The following MZT2A variants were observed in gnomAD, a reference collection of about 807,000 sequenced individuals.
MZT2A encodes mitotic spindle organizing protein 2A, also known as mitotic-spindle organizing protein 2A.
MZT2A carries 8 observed loss-of-function variants against 12.4 expected under a neutral mutation model. The ratio of observed to expected loss-of-function variants is 0.64; its 90% CI spans 0.38 to 1.16. The LOEUF (loss-of-function observed/expected upper bound fraction) is 1.16. Ranked by LOEUF, MZT2A falls within the 50% of genes most tolerant of loss-of-function variation. The pLI, the probability that MZT2A is intolerant of heterozygous loss-of-function variation, is 0.01. For synonymous variants in MZT2A, 88 were observed against 107.5 expected, an observed-to-expected ratio of 0.82 and a Z score of 1.12; for missense variants, 181 against 223.6, an observed-to-expected ratio of 0.81 and a Z score of 1.22.
At position 131,492,293 on chromosome 2, in the gene MZT2A, C is replaced by A; in HGVS notation, c.84G>T (p.Arg28=). 3 of 1,556,790 alleles carry A rather than the reference C, an allele frequency of 1.9e-6. No individual in the cohort carries two copies. The highest frequency in any genetic ancestry group is 2.6e-6 in the Non-Finnish European group (3 of 1,160,542). ...CCTCGGTGCTCAGCACCTTCTTGCG[C>A]CGCAGCGCCAGCTTCTGCCGGGCCG... is the stretch of plus-strand genomic sequence containing the variant. ...LEAARQKLAL[R]RKKVLSTEEM... The change falls in exon 1 of 3, where the codon CGG becomes CGT. Residue 28 remains arginine, a synonymous_variant. Coordinates refer to ENST00000309451, the MANE Select transcript of MZT2A (RefSeq NM_001085365.2).
Position 131,490,725 on chromosome 2 carries a change from A to G in MZT2A, c.319+1151T>C, listed in dbSNP as rs561394837. On this transcript the variant is annotated intron_variant, in intron 2 of 2. Transcript: ENST00000309451. ...CAATAAACGCAACCTGCAAAAGGAGAGAACAGGCAGCAAGAGAGGCGGAGG... is the reference window on the plus strand; with the variant it reads ...CAATAAACGCAACCTGCAAAAGGAGGGAACAGGCAGCAAGAGAGGCGGAGG... 1.7e-5 allele frequency: 27 copies of G among 1,549,518 alleles called. No individual in the cohort carries two copies. The Admixed American group carries it at 4.1e-4, about 24-fold the overall frequency.
chr2:131,486,639 G>A (rs6732819), intron 2 of MZT2A: 12,776 of 151,570 alleles, frequency 0.084, 807 homozygotes, highest in African/African-American at 0.18. Context: ...GGGGAGGGGG[G>A]TTTAGAGACT....
chr2:131,476,566 G>T (rs1402927114), intron 2 of MZT2A, among the ~76,000 whole-genome samples: 2 of 152,314 alleles, frequency 1.3e-5, no homozygotes, highest in South Asian at 2.1e-4. Flanking sequence ...GGTGACGGGG[G>T]TTGGGGCTGT....
At chr2:131,482,628 T>C, downstream of MZT2A, 1 of 1,614,176 alleles carries the variant, frequency 6.2e-7, no homozygotes, top group Non-Finnish European at 8.5e-7. Flanking sequence ...GTGTGCATGC[T>C]GAGCAACACC....
chr2:131,472,341 G>A (rs1705005405), intron 2 of MZT2A, among the ~76,000 whole-genome samples: 1 of 152,156 alleles, frequency 6.6e-6, no homozygotes, highest in South Asian at 2.1e-4. Context: ...GCAATACTTA[G>A]GGGCCAGAAA....
At chr2:131,489,912 C>T in intron 2 of MZT2A, 2 of 976,666 alleles carry the variant, frequency 2.0e-6, no homozygotes, top group Non-Finnish European at 1.2e-6. Flanking sequence ...GCACCCAGAG[C>T]CCTGAGTGAG....
At chr2:131,492,481 T>TGCCGGGAGC, upstream of MZT2A, 1 of 1,024,460 alleles carries the variant, frequency 9.8e-7, no homozygotes, top group Middle Eastern at 4.1e-4. Flanking sequence ...CGGGCTGCCC[T>TGCCGGGAGC]GGCGGGAGCG....
At chr2:131,471,917 A>G (rs2950561) in intron 3 of MZT2A, among the ~76,000 whole-genome samples, 3,677 of 151,894 alleles carry the variant, frequency 0.024, 71 homozygotes, top group African/African-American at 0.059. Context: ...CAGGGGCCCT[A>G]GAACCAGGCT....
upstream of MZT2A, chr2:131,492,625 G>A: frequency 8.2e-7 from 1 of 1,216,738 alleles, no homozygotes; most frequent in Non-Finnish European, 1.0e-6. Context: ...CTGCTTGGCG[G>A]TCAGGGCGTC....
chr2:131,478,102 A>T (rs1387942346), intron 2 of MZT2A: 7 of 1,565,400 alleles, frequency 4.5e-6, no homozygotes, highest in Non-Finnish European at 6.1e-6. Context: ...AATATTTTGC[A>T]TGCCATATAG....
chr2:131,483,770 C>T (rs547224004), downstream of MZT2A, among the ~76,000 whole-genome samples: 7 of 152,232 alleles, frequency 4.6e-5, no homozygotes, highest in African/African-American at 1.7e-4. Flanking sequence ...CCAAGTGAAG[C>T]TTGTTGATGT....
rs559306315 is a variant in MZT2A at position 131,492,240 on chromosome 2, G to A, written c.137C>T (p.Ala46Val). The A allele has an allele frequency of 3.7e-5, 59 of 1,585,160 alleles. No homozygotes were observed. The East Asian group carries it at 1.2e-3, about 33-fold the overall frequency. The stretch of plus-strand genomic sequence containing the variant: ...GTCGGGGTCGATACCGCCGCCCGCC[G>A]CCTGAGCCAGCTCGTACAGCTCCAT... ...EEMELYELAQ[A>V]AGGGIDPDVF... is the part of the protein sequence containing the mutation. Residue 46 changes from alanine to valine, a missense_variant, in exon 1 of 3, where the codon GCG becomes GTG. Ala to Val is a moderately conservative substitution (Grantham distance 64). This residue lies in a region of MZT2A where 106 missense variants were observed against 127.2 expected (regional missense o/e 0.83). Coordinates refer to ENST00000309451, the MANE Select transcript of MZT2A (RefSeq NM_001085365.2).
chr2:131,479,035 G>A (rs1174968007), downstream of MZT2A, among the ~76,000 whole-genome samples: 1 of 152,238 alleles, frequency 6.6e-6, no homozygotes, highest in Non-Finnish European at 1.5e-5. Context: ...TACCTGCGTA[G>A]GAGTGCCAGA....
At chr2:131,485,275 C>G (rs181120019) in intron 2 of MZT2A, among the ~76,000 whole-genome samples, 15 of 152,342 alleles carry the variant, frequency 9.8e-5, no homozygotes, top group Admixed American at 8.5e-4. Flanking sequence ...CTGACCTAAT[C>G]AGCTACATGT....
intron 2 of MZT2A, chr2:131,490,832 C>A (rs751194410): frequency 2.2e-5 from 34 of 1,549,914 alleles, no homozygotes; most frequent in Admixed American, 3.9e-5. Flanking sequence ...AGGCTGCGGG[C>A]TGGAGGAAAA....
chr2:131,478,554 T>G (rs913855300), intron 2 of MZT2A, among the ~76,000 whole-genome samples: 3 of 152,246 alleles, frequency 2.0e-5, no homozygotes, highest in Admixed American at 6.5e-5. Flanking sequence ...AAAGTGTCTG[T>G]GAGACTCGGC....
intron 2 of MZT2A, chr2:131,478,353 G>A: frequency 1.9e-6 from 3 of 1,613,878 alleles, no homozygotes; most frequent in Non-Finnish European, 2.5e-6. Flanking sequence ...CGTGCCCAGA[G>A]CAGTGTTTGT....
At chr2:131,479,555 C>G, downstream of MZT2A, 1 of 1,564,186 alleles carries the variant, frequency 6.4e-7, no homozygotes, top group Non-Finnish European at 8.7e-7. Context: ...AGACCAGCAT[C>G]TTGGCCGGGC....
chr2:131,485,372 ATCT>A (rs1679014538), intron 2 of MZT2A, among the ~76,000 whole-genome samples: 1 of 152,150 alleles, frequency 6.6e-6, no homozygotes, highest in Non-Finnish European at 1.5e-5. Flanking sequence ...ACACTGAAAG[ATCT>A]GACGTGTTGC....
Sources: gnomAD v4.1 joint callset for allele counts (sites outside exome capture counted in the v4.1 genomes callset) on GRCh38, gnomAD v4.1.1 for gene constraint, gnomAD v4.1.1 regional missense constraint, MANE v1.5 for transcripts, NCBI Gene and HGNC (gene_info 2026-07-23, HGNC 2026-07-21) for gene names.